The following SLC43A2 variants were observed in gnomAD, a reference collection of about 807,000 sequenced individuals.
SLC43A2 encodes large neutral amino acids transporter small subunit 4.
In SLC43A2, 38 loss-of-function variants were observed where a neutral mutation model predicts 63.2. The ratio of observed to expected loss-of-function variants is 0.60; its 90% CI spans 0.46 to 0.79. The LOEUF is 0.79. SLC43A2 is among the 30% of genes least tolerant of loss of function. SLC43A2 has a pLI of 0.00. For missense variants in SLC43A2, 644 were observed against 756.2 expected (o/e 0.85, Z 1.74); for synonymous variants, 322 against 331.0 (o/e 0.97, Z 0.30).
In SLC43A2 at chr17:1,605,034, T is replaced by G; in HGVS notation, c.501+8161A>C. 1 of 1,418,940 alleles carries G rather than the reference T, an allele frequency of 7.0e-7. No homozygotes were observed. Among genetic ancestry groups the G allele is most frequent in the Non-Finnish European group, 9.2e-7 (1 of 1,088,506 alleles). The allele number at this position is 1,418,940 out of a possible 1,614,324, so 87.9% of individuals were successfully genotyped here. On this transcript the variant is annotated intron_variant, in intron 5 of 13. Coordinates refer to ENST00000301335, the MANE Select transcript of SLC43A2 (RefSeq NM_152346.3). The surrounding 1 kb of genome is among the most constrained non-coding windows in gnomAD (Gnocchi z 4.9). ...CCAGGAGGGGAAGGACCAGCTTTGC[T>G]GCCAAGCAGGAAGCCGGAGCTGTTT... is the stretch of plus-strand genomic sequence containing the variant.
At chr17:1,612,493 G>A (rs1022371834) in intron 5 of SLC43A2, among the ~76,000 whole-genome samples, 2 of 152,252 alleles carry the variant, frequency 1.3e-5, no homozygotes, top group Admixed American at 1.3e-4. Flanking sequence ...CAAAGGTTGA[G>A]GCAGTTCCAC....
At position 1,605,115 on chromosome 17, in the gene SLC43A2, G is replaced by C. The variant is rs1377555981; in HGVS notation, c.501+8080C>G. Reference sequence around the variant, plus strand: ...GTGCAAGCCCCTCTTCCCGCCCTCAGGTGCTTCCCACAGCCCCCTCGCCGC... The same window carrying C: ...GTGCAAGCCCCTCTTCCCGCCCTCACGTGCTTCCCACAGCCCCCTCGCCGC... On this transcript the variant is annotated intron_variant, in intron 5 of 13. Transcript: ENST00000301335. This position sits in a 1 kb window ranked among gnomAD's most constrained non-coding sequence, Gnocchi z 4.9. 3.3e-5 allele frequency: 43 copies of C among 1,321,632 alleles called. No homozygotes were observed. Among genetic ancestry groups the C allele is most frequent in the African/African-American group, 1.5e-5 (1 of 66,584 alleles). The allele number at this position is 1,321,632 out of a possible 1,614,324, so 81.9% of individuals were successfully genotyped here. A position where few individuals can be genotyped will look rare whatever the true frequency, so the allele number is the denominator to read the frequency against.
intron 2 of SLC43A2, 48 bp downstream of exon 2, chr17:1,627,667 A>AAACCCCCCCCACCCC: frequency 5.1e-6 from 2 of 393,388 alleles, no homozygotes; most frequent in Non-Finnish European, 6.8e-6. Context: ...GCCCCCTCCC[A>AAACCCCCCCCACCCC]AAGCCCCAGC....
At chr17:1,601,715 T>G (rs1411349821) in intron 5 of SLC43A2, among the ~76,000 whole-genome samples, 1 of 148,838 alleles carries the variant, frequency 6.7e-6, no homozygotes, top group Non-Finnish European at 1.5e-5. Context: ...ACCCCAGACA[T>G]GTACTGCCCT....
At position 1,572,076 on chromosome 17, in the gene SLC43A2, C is replaced by T. The variant is rs879499176; in HGVS notation, c.*3528G>A. ...CTGTAGTCCCTTCCCCTTCACAGGG[C>T]ACTTGTCTTGCTGGTTGGGGTCACC... On this transcript the variant is annotated 3_prime_UTR_variant, in exon 14 of 14. Coordinates refer to ENST00000301335, the MANE Select transcript of SLC43A2 (RefSeq NM_152346.3). 2 of 152,544 alleles carry T rather than the reference C, an allele frequency of 1.3e-5. No homozygotes were observed. The highest frequency in any genetic ancestry group is 2.9e-5 in the Non-Finnish European group (2 of 68,284). 9.4% of individuals were successfully genotyped at this position (152,544 alleles called of 1,614,324 possible).
chr17:1,585,196 CT>C, intron 10 of SLC43A2: 1 of 994,222 alleles, frequency 1.0e-6, no homozygotes, highest in Non-Finnish European at 1.2e-6. Flanking sequence ...TGTCTGTACA[CT>C]TTCACCTGTG....
In SLC43A2 at chr17:1,605,679, A is replaced by C. The variant is rs567850249; in HGVS notation, c.501+7516T>G. 1.3e-5 allele frequency among the ~76,000 whole-genome samples: 2 copies of C among 152,058 alleles called. No individual in the cohort carries two copies. Among genetic ancestry groups the C allele is most frequent in the African/African-American group, 2.4e-5 (1 of 41,402 alleles). The stretch of plus-strand genomic sequence containing the variant: ...CCCTCCAGAGGGAGCCTTGTCCCCA[A>C]GTGGCTGGAGTACACACCCAGAGTT... On this transcript the variant is annotated intron_variant, in intron 5 of 13. Coordinates refer to ENST00000301335, the MANE Select transcript of SLC43A2 (RefSeq NM_152346.3). The surrounding 1 kb of genome is among the most constrained non-coding windows in gnomAD (Gnocchi z 4.9).
At chr17:1,619,942 A>C in intron 2 of SLC43A2, among the ~76,000 whole-genome samples, 1 of 152,166 alleles carries the variant, frequency 6.6e-6, no homozygotes, top group Admixed American at 6.5e-5. Flanking sequence ...AGCCACGGGG[A>C]CAAGGAATGG....
intron 11 of SLC43A2, among the ~76,000 whole-genome samples, chr17:1,579,989 G>A (rs1160133531): frequency 2.0e-5 from 3 of 151,502 alleles, no homozygotes; most frequent in Non-Finnish European, 4.4e-5. Flanking sequence ...CTGGAATGCA[G>A]TGGCACGGCT....
chr17:1,627,651 C>A (rs992912040), intron 2 of SLC43A2, 64 bp downstream of exon 2: 4 of 686,274 alleles, frequency 5.8e-6, no homozygotes, highest in East Asian at 3.7e-5. Flanking sequence ...TCTTCGCCCC[C>A]ATCCCGCCCC....
chr17:1,603,907 C>T (rs1193091509), intron 5 of SLC43A2, among the ~76,000 whole-genome samples: 1 of 152,222 alleles, frequency 6.6e-6, no homozygotes, highest in Non-Finnish European at 1.5e-5. Context: ...TGTGTAGGCC[C>T]CAGGCCACGC....
chr17:1,607,280 G>C (rs1906708299), intron 5 of SLC43A2, among the ~76,000 whole-genome samples: 1 of 152,212 alleles, frequency 6.6e-6, no homozygotes, highest in Non-Finnish European at 1.5e-5. Context: ...GACACAAACA[G>C]AAAGTGCCAT....
Position 1,569,590 on chromosome 17 carries a change from C to T in SLC43A2, c.*6014G>A, listed in dbSNP as rs1210235804. 2 of 152,372 alleles carry T rather than the reference C, an allele frequency of 1.3e-5. No individual in the cohort carries two copies. Among genetic ancestry groups the T allele is most frequent in the Non-Finnish European group, 2.9e-5 (2 of 68,080 alleles). 9.4% of individuals were successfully genotyped at this position (152,372 alleles called of 1,614,324 possible). A position where few individuals can be genotyped will look rare whatever the true frequency, so the allele number is the denominator to read the frequency against. On this transcript the variant is annotated 3_prime_UTR_variant, in exon 14 of 14. Coordinates refer to ENST00000301335, the MANE Select transcript of SLC43A2 (RefSeq NM_152346.3). Reference sequence around the variant, plus strand: ...CACCCTGACATGCCCGGATGCATCTCACACTTAGATAAACACACACGCACA... The same window carrying T: ...CACCCTGACATGCCCGGATGCATCTTACACTTAGATAAACACACACGCACA...
intron 9 of SLC43A2, 84 bp from the exon 10 acceptor site, chr17:1,586,135 TC>T: frequency 2.7e-6 from 4 of 1,486,700 alleles, no homozygotes; most frequent in Non-Finnish European, 2.7e-6. Flanking sequence ...AAGGGGCTGG[TC>T]CCCACAGGCT....
intron 5 of SLC43A2, chr17:1,604,874 C>G: frequency 6.5e-7 from 1 of 1,535,490 alleles, no homozygotes; most frequent in Non-Finnish European, 8.7e-7. Flanking sequence ...TCGCTCACTC[C>G]GTCCCCAGCT....
Position 1,569,880 on chromosome 17 carries a change from CTTTTTTTTTTTTTTTT to C in SLC43A2, c.*5708_*5723del, listed in dbSNP as rs10711247. The C allele has an allele frequency of 3.4e-5, 3 of 88,368 alleles. No homozygotes were observed. The highest frequency in any genetic ancestry group is 1.4e-4 in the Admixed American group (1 of 7,092). 5.5% of individuals were successfully genotyped at this position (88,368 alleles called of 1,614,324 possible). A position where few individuals can be genotyped will look rare whatever the true frequency, so the allele number is the denominator to read the frequency against. ...GTGGGGTCAGCAGATACAGACCTTA[CTTTTTTTTTTTTTTTT>C]TTTTTTTTTGAGACGGAGTCTTGCT... On this transcript the variant is annotated 3_prime_UTR_variant, in exon 14 of 14. Coordinates refer to ENST00000301335, the MANE Select transcript of SLC43A2 (RefSeq NM_152346.3).
intron 10 of SLC43A2, among the ~76,000 whole-genome samples, chr17:1,584,069 C>T (rs1025472781): frequency 5.6e-4 from 85 of 151,550 alleles, no homozygotes; most frequent in Non-Finnish European, 9.7e-4. Context: ...CTAATTTTTG[C>T]GTTTTTGTAG....
rs1218333397 is a variant in SLC43A2 at position 1,573,144 on chromosome 17, T to C, written c.*2460A>G. 2 of 122,070 alleles carry C rather than the reference T, an allele frequency of 1.6e-5. No individual in the cohort carries two copies. Among genetic ancestry groups the C allele is most frequent in the Non-Finnish European group, 3.1e-5 (2 of 63,686 alleles). The allele number at this position is 122,070 out of a possible 1,614,324, so 7.6% of individuals were successfully genotyped here. On this transcript the variant is annotated 3_prime_UTR_variant, in exon 14 of 14. Transcript: ENST00000301335. ...TGAGCTATCAGTTGCACCACTGCAC[T>C]CCAGCCTGGATGGCAGAGCAAGACC...
chr17:1,622,932 A>AC (rs1486512928), intron 2 of SLC43A2, among the ~76,000 whole-genome samples: 1 of 150,978 alleles, frequency 6.6e-6, no homozygotes, highest in Non-Finnish European at 1.5e-5. Context: ...AAAATAAAAT[A>AC]AAATACAAAT....
Sources: allele counts gnomAD v4.1 joint callset (sites outside exome capture counted in the v4.1 genomes callset), GRCh38; gene constraint gnomAD v4.1.1; non-coding constraint Gnocchi (gnomAD v3.1); transcripts MANE v1.5; gene names NCBI Gene and HGNC (gene_info 2026-07-23, HGNC 2026-07-21).